Variants in RHOT1 observed in about 807,000 individuals in gnomAD.
The protein encoded by RHOT1 is mitochondrial Rho GTPase 1.
Under a neutral mutation model 95.3 loss-of-function variants are expected in RHOT1, and 27 were observed. The ratio of observed to expected loss-of-function variants is 0.28; its 90% CI spans 0.21 to 0.39. The LOEUF (loss-of-function observed/expected upper bound fraction) is 0.39. Ranked by LOEUF, RHOT1 falls within the 10% of genes least tolerant of loss-of-function variation. The pLI, the probability that RHOT1 is intolerant of heterozygous loss-of-function variation, is 1.00. For synonymous variants in RHOT1, 227 were observed against 263.5 expected, an observed-to-expected ratio of 0.86 and a Z score of 1.34; for missense variants, 578 against 786.7, an observed-to-expected ratio of 0.73 and a Z score of 3.17.
chr17:32,149,971 G>C (rs968442710), intron 1 of RHOT1, among the ~76,000 whole-genome samples: 1 of 151,996 alleles, frequency 6.6e-6, no homozygotes, highest in African/African-American at 2.4e-5. Flanking sequence ...AGCTGGTCTT[G>C]AATTCCTGGC....
At chr17:32,162,312 A>G (rs2033639927) in intron 1 of RHOT1, among the ~76,000 whole-genome samples, 1 of 152,210 alleles carries the variant, frequency 6.6e-6, no homozygotes, top group South Asian at 2.1e-4. Flanking sequence ...CATATAGGAA[A>G]TTCCAAGGGA....
intron 17 of RHOT1, among the ~76,000 whole-genome samples, chr17:32,207,844 T>A (rs2037863168): frequency 6.6e-6 from 1 of 152,320 alleles, no homozygotes; most frequent in South Asian, 2.1e-4. Flanking sequence ...ATGTGTGTTT[T>A]TAATTACATG....
chr17:32,148,103 A>G (rs2031654632), intron 1 of RHOT1, among the ~76,000 whole-genome samples: 1 of 152,140 alleles, frequency 6.6e-6, no homozygotes, highest in Non-Finnish European at 1.5e-5. Flanking sequence ...GTCTCTACTA[A>G]AAATACAAAA....
intron 1 of RHOT1, among the ~76,000 whole-genome samples, chr17:32,166,038 T>A (rs2034050778): frequency 6.6e-6 from 1 of 151,032 alleles, no homozygotes; most frequent in African/African-American, 2.4e-5. Context: ...TACAAAAAAA[T>A]GTAGCCAGGC....
intron 1 of RHOT1, among the ~76,000 whole-genome samples, chr17:32,149,635 A>ATATATATATATG (rs1445281403): frequency 9.1e-4 from 54 of 59,050 alleles, no homozygotes; most frequent in Non-Finnish European, 1.3e-3. Context: ...ATATATATAT[A>ATATATATATATG]TGTGTGTGTG....
chr17:32,189,037 C>T (rs1005527712), intron 8 of RHOT1, among the ~76,000 whole-genome samples: 7 of 152,164 alleles, frequency 4.6e-5, no homozygotes, highest in Admixed American at 2.0e-4. Context: ...AAGTGGTTCA[C>T]GCATGTAATC....
intron 16 of RHOT1, among the ~76,000 whole-genome samples, chr17:32,205,171 C>G (rs760486075): frequency 1.3e-5 from 2 of 151,950 alleles, no homozygotes; most frequent in African/African-American, 4.8e-5. Context: ...TCCCCTTGCC[C>G]CTCACCCCCT....
At chr17:32,190,842 C>A (rs1467750567) in intron 8 of RHOT1, among the ~76,000 whole-genome samples, 2 of 152,170 alleles carry the variant, frequency 1.3e-5, no homozygotes, top group African/African-American at 2.4e-5. Flanking sequence ...GTCTCCCAGA[C>A]TGGAGTGCAG....
At chr17:32,221,322 C>G (rs555173238) in intron 19 of RHOT1, 1 of 147,690 alleles carries the variant, frequency 6.8e-6, no homozygotes, top group South Asian at 2.1e-4. Context: ...TTGCTGAGAT[C>G]GCATCACTGC....
At position 32,174,928 on chromosome 17, in the gene RHOT1, T is replaced by G. The variant is rs1006140811; in HGVS notation, c.179-391T>G. ...TTACTCCCACCTGCTATCTAGATCTTAAGCTTGTATTACCCAGAATCTCAC... is the reference window on the plus strand; with the variant it reads ...TTACTCCCACCTGCTATCTAGATCTGAAGCTTGTATTACCCAGAATCTCAC... On this transcript the variant is annotated intron_variant, in intron 3 of 19. Transcript: ENST00000545287. Among the ~76,000 whole-genome samples, 11 of 152,218 alleles carry G rather than the reference T, an allele frequency of 7.2e-5. 1 individual carries two copies. Among genetic ancestry groups the G allele is most frequent in the African/African-American group, 2.4e-4 (10 of 41,462 alleles).
At chr17:32,185,152 C>T (rs1210067152) in intron 8 of RHOT1, among the ~76,000 whole-genome samples, 2 of 152,070 alleles carry the variant, frequency 1.3e-5, no homozygotes, top group African/African-American at 4.8e-5. Context: ...CTCTTGTTGC[C>T]CAGGCTGGAG....
chr17:32,152,478 T>C (rs1285106271), intron 1 of RHOT1, among the ~76,000 whole-genome samples: 1 of 152,186 alleles, frequency 6.6e-6, no homozygotes, highest in Non-Finnish European at 1.5e-5. Context: ...AGAAGAGAGA[T>C]GAAGGTCTTT....
chr17:32,150,494 A>T, intron 1 of RHOT1: 3 of 1,176,536 alleles, frequency 2.5e-6, no homozygotes, highest in Non-Finnish European at 2.5e-6. Flanking sequence ...GTTAGACTGT[A>T]GTCTTTAAAG....
At chr17:32,187,001 C>T (rs1437534670) in intron 8 of RHOT1, among the ~76,000 whole-genome samples, 11 of 151,528 alleles carry the variant, frequency 7.3e-5, no homozygotes, top group African/African-American at 2.2e-4. Context: ...TTTTAAGAAG[C>T]GGGGGCCGGG....
Position 32,200,942 on chromosome 17 carries a change from C to G in RHOT1, c.1101-14C>G. 6.3e-7 allele frequency: 1 copy of G among 1,588,146 alleles called. No homozygotes were observed. The highest frequency in any genetic ancestry group is 8.6e-7 in the Non-Finnish European group (1 of 1,159,056). On this transcript the variant is annotated splice_polypyrimidine_tract_variant and intron_variant, in intron 13 of 19. Coordinates refer to ENST00000545287, the MANE Select transcript of RHOT1 (RefSeq NM_001033566.3). ...TTAGGAACTTTTCACATTTTAAACT[C>G]TTTTCTTTCATAGGCTCACGACTTA...
chr17:32,179,069 C>G (rs2035316445), intron 6 of RHOT1: 1 of 151,040 alleles, frequency 6.6e-6, no homozygotes, highest in African/African-American at 2.5e-5. Context: ...TGCCTGGCCG[C>G]CCCATCTGGG....
At chr17:32,164,707 TACAAAAAATTAGCCAGGTATATAGTAG>T (rs2033885691) in intron 1 of RHOT1, among the ~76,000 whole-genome samples, 5 of 138,232 alleles carry the variant, frequency 3.6e-5, no homozygotes, top group Admixed American at 2.8e-4. Flanking sequence ...CTACTAAAAA[TACAAAAAATTAGCCAGGTATATAGTAG>T]TGCACACCTG....
intron 19 of RHOT1, among the ~76,000 whole-genome samples, chr17:32,212,653 TTTTTGC>T (rs2038208152): frequency 6.6e-6 from 1 of 152,156 alleles, no homozygotes; most frequent in African/African-American, 2.4e-5. Flanking sequence ...TTGGAAAGCA[TTTTTGC>T]TTTTGCTTTT....
intron 1 of RHOT1, among the ~76,000 whole-genome samples, chr17:32,149,635 A>ATATATATATT (rs1445281403): frequency 6.8e-5 from 4 of 59,076 alleles, no homozygotes; most frequent in Admixed American, 4.4e-4. Flanking sequence ...ATATATATAT[A>ATATATATATT]TGTGTGTGTG....
Sources: allele counts gnomAD v4.1 joint callset (sites outside exome capture counted in the v4.1 genomes callset), GRCh38; gene constraint gnomAD v4.1.1; transcripts MANE v1.5; gene names NCBI Gene and HGNC (gene_info 2026-07-23, HGNC 2026-07-21).